The following AXDND1 variants were observed in gnomAD, a reference collection of about 807,000 sequenced individuals.
AXDND1 encodes axonemal dynein light chain domain-containing protein 1.
In AXDND1, 110 loss-of-function variants were observed where a neutral mutation model predicts 137.5. That is an observed-to-expected ratio of 0.80 (90% CI 0.69 to 0.94). AXDND1 has a LOEUF of 0.94. AXDND1 is among the 40% of genes least tolerant of loss of function. The probability of loss-of-function intolerance (pLI) is 0.00; values close to 1 mark genes in which losing one functional copy is unlikely to be tolerated. For missense variants in AXDND1, 1,191 were observed against 1,169.8 expected (o/e 1.02, Z -0.26); for synonymous variants, 414 against 399.7 (o/e 1.04, Z -0.43).
intron 16 of AXDND1, chr1:179,456,198 C>G: frequency 1.3e-6 from 1 of 775,824 alleles, no homozygotes; most frequent in South Asian, 1.3e-5. Context: ...TCTGGATCTC[C>G]TCTCCTGCTA....
chr1:179,367,320 A>G (rs1299129046), intron 2 of AXDND1, among the ~76,000 whole-genome samples: 2 of 151,936 alleles, frequency 1.3e-5, no homozygotes, highest in African/African-American at 4.8e-5. Flanking sequence ...GATTGAGACC[A>G]TTCTGGCCAA....
intron 21 of AXDND1, among the ~76,000 whole-genome samples, chr1:179,516,258 G>A (rs555379166): frequency 6.6e-6 from 1 of 152,152 alleles, no homozygotes; most frequent in African/African-American, 2.4e-5. Flanking sequence ...AGACTTTCCA[G>A]AGCATTTTGC....
intron 19 of AXDND1, 21 bp from the exon 20 acceptor site, chr1:179,492,833 CT>C (rs759651553): frequency 1.6e-5 from 25 of 1,529,914 alleles, no homozygotes; most frequent in South Asian, 4.7e-5. Flanking sequence ...TTTTCTTTTT[CT>C]TTTTTTCCCC....
intron 25 of AXDND1, among the ~76,000 whole-genome samples, chr1:179,540,082 G>A (rs1671976079): frequency 6.6e-6 from 1 of 151,864 alleles, no homozygotes; most frequent in African/African-American, 2.4e-5. Flanking sequence ...GTTCTAGTTA[G>A]CCATTTCGTC....
intron 21 of AXDND1, among the ~76,000 whole-genome samples, chr1:179,519,047 C>T (rs1008974694): frequency 5.3e-5 from 8 of 152,180 alleles, no homozygotes; most frequent in Non-Finnish European, 1.2e-4. Flanking sequence ...ACCTTGCCAG[C>T]ATCTGTTATT....
intron 16 of AXDND1, chr1:179,451,790 C>T (rs1660580624): frequency 6.5e-6 from 1 of 152,788 alleles, no homozygotes; most frequent in Non-Finnish European, 1.5e-5. Context: ...TCCTTGCCTT[C>T]CACCATGATT....
intron 11 of AXDND1, among the ~76,000 whole-genome samples, chr1:179,401,201 T>G (rs1158154284): frequency 1.4e-5 from 2 of 138,422 alleles, no homozygotes; most frequent in Non-Finnish European, 3.0e-5. Context: ...GAGATTGCGG[T>G]GAGCTGAGGT....
At chr1:179,379,083 C>T (rs1647778206) in intron 5 of AXDND1, among the ~76,000 whole-genome samples, 2 of 152,056 alleles carry the variant, frequency 1.3e-5, no homozygotes, top group South Asian at 4.1e-4. Context: ...TCTTTGGTAT[C>T]TTGCTAAGTT....
At position 179,399,758 on chromosome 1, in the gene AXDND1, G is replaced by T. The variant is rs145251547; in HGVS notation, c.1109+4556G>T. On this transcript the variant is annotated intron_variant, in intron 11 of 25. Coordinates refer to ENST00000367618, the MANE Select transcript of AXDND1 (RefSeq NM_144696.6). ...AAAACAAACAATCACGTCAAAAAGT[G>T]GGCAAAGGACATGAATAGACAATTC... Among the ~76,000 whole-genome samples the T allele has an allele frequency of 6.3e-3, 952 of 152,188 alleles. 11 individuals carry two copies. Among genetic ancestry groups the T allele is most frequent in the African/African-American group, 0.022 (909 of 41,506 alleles).
intron 12 of AXDND1, among the ~76,000 whole-genome samples, chr1:179,416,959 T>C (rs1277270563): frequency 6.6e-6 from 1 of 152,194 alleles, no homozygotes; most frequent in Non-Finnish European, 1.5e-5. Flanking sequence ...ACGGCCCTTT[T>C]ATAGAACAGT....
intron 12 of AXDND1, among the ~76,000 whole-genome samples, chr1:179,427,443 A>C (rs1285164358): frequency 1.3e-5 from 2 of 152,186 alleles, no homozygotes; most frequent in African/African-American, 4.8e-5. Context: ...AGCATGTGTT[A>C]TGTGTCAGAC....
At chr1:179,410,683 G>A (rs1320813514) in intron 11 of AXDND1, among the ~76,000 whole-genome samples, 2 of 152,264 alleles carry the variant, frequency 1.3e-5, no homozygotes, top group East Asian at 3.9e-4. Context: ...TACTAATTAT[G>A]TATAATTAAA....
intron 9 of AXDND1, among the ~76,000 whole-genome samples, chr1:179,385,896 T>C (rs12747626): frequency 0.29 from 44,290 of 152,046 alleles, 6,662 homozygotes; most frequent in Non-Finnish European, 0.31. Context: ...GATATTTTTG[T>C]TGGATATAGA....
At chr1:179,466,278 TCTTCTTC>T (rs796866645) in intron 16 of AXDND1, among the ~76,000 whole-genome samples, 25 of 119,470 alleles carry the variant, frequency 2.1e-4, no homozygotes, top group African/African-American at 3.4e-4. Flanking sequence ...TCTTTCTTCT[TCTTCTTC>T]TTTTTTTTTT....
At chr1:179,526,388 T>C (rs529328866) in intron 22 of AXDND1, among the ~76,000 whole-genome samples, 27 of 152,274 alleles carry the variant, frequency 1.8e-4, no homozygotes, top group Non-Finnish European at 2.9e-4. Flanking sequence ...ATTTTACAGA[T>C]AAGAAAACTG....
chr1:179,528,566 T>C, intron 23 of AXDND1, 135 bp downstream of exon 23: 1 of 461,834 alleles, frequency 2.2e-6, no homozygotes, highest in South Asian at 7.3e-5. Flanking sequence ...GATATTTTTC[T>C]TCCAACATAA....
intron 23 of AXDND1, among the ~76,000 whole-genome samples, chr1:179,529,068 G>A (rs942799741): frequency 6.6e-6 from 1 of 152,224 alleles, no homozygotes; most frequent in Non-Finnish European, 1.5e-5. Context: ...GACAGTAGCT[G>A]TGGACACTCA....
At chr1:179,517,450 C>A (rs1669649993) in intron 21 of AXDND1, among the ~76,000 whole-genome samples, 1 of 152,192 alleles carries the variant, frequency 6.6e-6, no homozygotes, top group African/African-American at 2.4e-5. Context: ...CATGCCCTCC[C>A]CTGAGTTCTA....
At chr1:179,426,987 C>G (rs937794011) in intron 12 of AXDND1, among the ~76,000 whole-genome samples, 1 of 151,824 alleles carries the variant, frequency 6.6e-6, no homozygotes, top group African/African-American at 2.4e-5. Flanking sequence ...CGTGGTAAAA[C>G]CCCGTCTCTA....
Sources: gnomAD v4.1 joint callset for allele counts (sites outside exome capture counted in the v4.1 genomes callset) on GRCh38, gnomAD v4.1.1 for gene constraint, MANE v1.5 for transcripts, NCBI Gene and HGNC (gene_info 2026-07-23, HGNC 2026-07-21) for gene names.